Variants in SSBP3 observed in about 807,000 individuals in gnomAD.
SSBP3 encodes single-stranded DNA-binding protein 3.
SSBP3 carries 5 observed loss-of-function variants against 69.6 expected under a neutral mutation model. The ratio of observed to expected loss-of-function variants is 0.07; its 90% CI spans 0.04 to 0.15. SSBP3 has a LOEUF of 0.15. Among genes scored for constraint, SSBP3 ranks in the 10% least tolerant of loss-of-function variants. SSBP3 has a pLI of 1.00. For missense variants in SSBP3, 312 were observed against 534.0 expected, an observed-to-expected ratio of 0.58 and a Z score of 4.10; for synonymous variants, 196 against 193.4, an observed-to-expected ratio of 1.01 and a Z score of -0.11.
chr1:54,389,889 A>AAAT (rs201328039), intron 4 of SSBP3, among the ~76,000 whole-genome samples: 1 of 143,616 alleles, frequency 7.0e-6, no homozygotes, highest in East Asian at 2.1e-4. Flanking sequence ...AAAAAAAAAA[A>AAAT]TTTTTTTTTT....
intron 4 of SSBP3, among the ~76,000 whole-genome samples, chr1:54,290,502 G>C (rs1645584769): frequency 6.6e-6 from 1 of 152,208 alleles, no homozygotes. Context: ...TCTGAGAAGG[G>C]GCCTCTCTCT....
chr1:54,308,625 G>C (rs547192968), intron 4 of SSBP3, among the ~76,000 whole-genome samples: 1 of 150,808 alleles, frequency 6.6e-6, no homozygotes, highest in Non-Finnish European at 1.5e-5. Context: ...AAAATTAGCC[G>C]GGCGTGGTGG....
chr1:54,377,335 T>A (rs1215827264), intron 4 of SSBP3, among the ~76,000 whole-genome samples: 1 of 152,116 alleles, frequency 6.6e-6, no homozygotes, highest in African/African-American at 2.4e-5. Flanking sequence ...AGGGCAGGAG[T>A]GCTCCAACAG....
At chr1:54,314,549 T>C (rs1475402418) in intron 4 of SSBP3, among the ~76,000 whole-genome samples, 1 of 152,246 alleles carries the variant, frequency 6.6e-6, no homozygotes, top group Non-Finnish European at 1.5e-5. Context: ...ACATTTTCTT[T>C]AAAAAGATTT....
chr1:54,273,692 T>C (rs1489095584), intron 5 of SSBP3, among the ~76,000 whole-genome samples: 1 of 152,122 alleles, frequency 6.6e-6, no homozygotes, highest in African/African-American at 2.4e-5. Flanking sequence ...CACCCCCCAC[T>C]GGACAGAGGA....
At chr1:54,369,436 A>C (rs1440111824) in intron 4 of SSBP3, among the ~76,000 whole-genome samples, 1 of 152,170 alleles carries the variant, frequency 6.6e-6, no homozygotes, top group Non-Finnish European at 1.5e-5. Context: ...TTGAAAACCA[A>C]GGTCAAGAAT....
intron 4 of SSBP3, among the ~76,000 whole-genome samples, chr1:54,375,266 T>C (rs529963098): frequency 8.9e-4 from 136 of 152,226 alleles, no homozygotes; most frequent in Middle Eastern, 6.8e-3. Context: ...AAGGATCAGA[T>C]AGAAAAGCCC....
At chr1:54,283,340 T>C (rs954115279) in intron 4 of SSBP3, among the ~76,000 whole-genome samples, 10 of 149,756 alleles carry the variant, frequency 6.7e-5, no homozygotes, top group African/African-American at 2.4e-4. Flanking sequence ...AATGAGGTAA[T>C]GTGCAAATCT....
chr1:54,350,013 C>T (rs1230182564), intron 4 of SSBP3, among the ~76,000 whole-genome samples: 1 of 152,160 alleles, frequency 6.6e-6, no homozygotes, highest in Non-Finnish European at 1.5e-5. Flanking sequence ...GGGTACTTAA[C>T]CAGAAATGCC....
chr1:54,277,794 G>A (rs1314468800), intron 5 of SSBP3, among the ~76,000 whole-genome samples: 1 of 152,102 alleles, frequency 6.6e-6, no homozygotes, highest in African/African-American at 2.4e-5. Context: ...GACCACCTTA[G>A]GGCCAAGGAA....
At chr1:54,362,860 T>G (rs752951688) in intron 4 of SSBP3, among the ~76,000 whole-genome samples, 3 of 152,122 alleles carry the variant, frequency 2.0e-5, no homozygotes, top group Non-Finnish European at 4.4e-5. Flanking sequence ...TCGTTTTCTC[T>G]CCCAGATAAC....
At chr1:54,390,742 C>CG (rs1648425298) in intron 4 of SSBP3, among the ~76,000 whole-genome samples, 1 of 152,228 alleles carries the variant, frequency 6.6e-6, no homozygotes, top group Admixed American at 6.5e-5. Flanking sequence ...CTCACCAGCG[C>CG]GGAGATCGTG....
At chr1:54,240,821 G>A in intron 13 of SSBP3, 84 bp downstream of exon 13, 1 of 1,569,676 alleles carries the variant, frequency 6.4e-7, no homozygotes, top group East Asian at 2.2e-5. Flanking sequence ...CTCTGGCTCT[G>A]CAACAGTGCC....
chr1:54,397,063 GA>G (rs1648940584), intron 4 of SSBP3, among the ~76,000 whole-genome samples: 1 of 152,244 alleles, frequency 6.6e-6, no homozygotes, highest in African/African-American at 2.4e-5. Flanking sequence ...GAATGGGGGA[GA>G]GGGGAAAAAG....
intron 15 of SSBP3, 49 bp downstream of exon 15, chr1:54,228,699 G>C (rs1048988122): frequency 6.5e-7 from 1 of 1,546,272 alleles, no homozygotes; most frequent in Non-Finnish European, 8.7e-7. Flanking sequence ...GAGGCACAGA[G>C]CTGGCTGCCC....
intron 4 of SSBP3, among the ~76,000 whole-genome samples, chr1:54,374,019 G>T (rs1050739792): frequency 6.6e-6 from 1 of 152,210 alleles, no homozygotes; most frequent in African/African-American, 2.4e-5. Context: ...TTATTACAGA[G>T]GCTTCTCCAG....
chr1:54,239,444 T>A (rs1467889098), intron 13 of SSBP3, among the ~76,000 whole-genome samples: 1 of 152,118 alleles, frequency 6.6e-6, no homozygotes, highest in Non-Finnish European at 1.5e-5. Context: ...GGGTTCAAAT[T>A]CTTGTCTCCC....
chr1:54,258,214 TA>T lies in SSBP3; in HGVS notation c.367-66del. ...CACATGGAGAAGCGCAGAAGCAGCT[TA>T]AAAGAACAAAAATTAAACCAAAACG... On this transcript the variant is annotated intron_variant, in intron 5 of 17. Coordinates refer to ENST00000610401, the Ensembl canonical transcript of SSBP3. This position sits in a 1 kb window ranked among gnomAD's most constrained non-coding sequence, Gnocchi z 4.5. 9.9e-7 allele frequency: 1 copy of T among 1,014,858 alleles called. No homozygotes were observed. Among genetic ancestry groups the T allele is most frequent in the Non-Finnish European group, 1.2e-6 (1 of 800,040 alleles). 62.9% of individuals were successfully genotyped at this position (1,014,858 alleles called of 1,614,324 possible). A position where few individuals can be genotyped will look rare whatever the true frequency, so the allele number is the denominator to read the frequency against.
intron 4 of SSBP3, among the ~76,000 whole-genome samples, chr1:54,365,648 C>T (rs987462853): frequency 2.0e-5 from 3 of 152,130 alleles, no homozygotes; most frequent in African/African-American, 7.2e-5. Context: ...TAGGTACTCC[C>T]TTGTCTGCCG....
Sources: allele counts gnomAD v4.1 joint callset (sites outside exome capture counted in the v4.1 genomes callset), GRCh38; gene constraint gnomAD v4.1.1; non-coding constraint Gnocchi (gnomAD v3.1); transcripts MANE v1.5; gene names NCBI Gene and HGNC (gene_info 2026-07-23, HGNC 2026-07-21).